Variants in CELSR1 observed in about 807,000 individuals in gnomAD.
The protein encoded by CELSR1 is adhesion G protein-coupled receptor C1.
A neutral mutation model predicts 249.1 loss-of-function variants in CELSR1; 110 were observed. The ratio of observed to expected loss-of-function variants is 0.44; its 90% CI spans 0.38 to 0.52. CELSR1 has a LOEUF of 0.52. Among genes scored for constraint, CELSR1 ranks in the 20% least tolerant of loss-of-function variants. CELSR1 has a pLI of 0.00. For synonymous variants in CELSR1, 2,113 were observed against 1,900.0 expected (o/e 1.11, Z -2.92); for missense variants, 4,109 against 4,296.4 (o/e 0.96, Z 1.22).
intron 1 of CELSR1, chr22:46,530,353 T>C (rs182421349): frequency 1.2e-4 from 18 of 148,722 alleles, no homozygotes; most frequent in Admixed American, 8.1e-4. Flanking sequence ...ATATATTATA[T>C]ATTATATATA....
At chr22:46,494,234 T>C (rs1337903806) in intron 1 of CELSR1, among the ~76,000 whole-genome samples, 1 of 152,220 alleles carries the variant, frequency 6.6e-6, no homozygotes, top group Non-Finnish European at 1.5e-5. Flanking sequence ...ACAGTGGCTC[T>C]ATAACAAGCC....
intron 5 of CELSR1, among the ~76,000 whole-genome samples, chr22:46,426,782 C>T (rs2079542386): frequency 6.6e-6 from 1 of 152,160 alleles, no homozygotes; most frequent in Non-Finnish European, 1.5e-5. Flanking sequence ...GGGAGTGGGT[C>T]CACTGTCTTG....
intron 2 of CELSR1, among the ~76,000 whole-genome samples, chr22:46,442,066 T>C (rs774260156): frequency 2.0e-5 from 3 of 152,150 alleles, no homozygotes; most frequent in Non-Finnish European, 2.9e-5. Flanking sequence ...GAGAATTGCT[T>C]AAATCTGGGC....
In CELSR1 at chr22:46,428,629, G is replaced by A. The variant is rs150007313; in HGVS notation, c.4611+4764C>T. 2.6e-5 allele frequency among the ~76,000 whole-genome samples: 4 copies of A among 152,362 alleles called. No individual in the cohort carries two copies. Among genetic ancestry groups the A allele is most frequent in the African/African-American group, 9.6e-5 (4 of 41,584 alleles). On this transcript the variant is annotated intron_variant, in intron 5 of 34. Coordinates refer to ENST00000674500, the MANE Select transcript of CELSR1 (RefSeq NM_001378328.1). The surrounding 1 kb of genome is among the most constrained non-coding windows in gnomAD (Gnocchi z 5.7). ...AGTCTAGTGACCAGAGGTCAGGAATGCTGCCCAGAACAGGCCTCACAATGA... is the reference window on the plus strand; with the variant it reads ...AGTCTAGTGACCAGAGGTCAGGAATACTGCCCAGAACAGGCCTCACAATGA...
At chr22:46,388,843 G>A (rs1329190283) in intron 18 of CELSR1, among the ~76,000 whole-genome samples, 1 of 152,068 alleles carries the variant, frequency 6.6e-6, no homozygotes, top group Non-Finnish European at 1.5e-5. Flanking sequence ...AGCTGCGGGT[G>A]GGAGTGGACA....
At position 46,414,000 on chromosome 22, in the gene CELSR1, T is replaced by C. The variant is rs1215693296; in HGVS notation, c.4612-2241A>G. On this transcript the variant is annotated intron_variant, in intron 5 of 34. Coordinates refer to ENST00000674500, the MANE Select transcript of CELSR1 (RefSeq NM_001378328.1). The surrounding 1 kb of genome is among the most constrained non-coding windows in gnomAD (Gnocchi z 4.7). ...TAAGCTACTGTTTACAAAACTGCAG[T>C]TGCTGTAAACTGCTGCTGGTAATCA... 6.6e-6 allele frequency among the ~76,000 whole-genome samples: 1 copy of C among 152,232 alleles called. No homozygotes were observed. The highest frequency in any genetic ancestry group is 1.5e-5 in the Non-Finnish European group (1 of 68,034).
chr22:46,445,616 T>C lies in CELSR1; in HGVS notation c.4184-6205A>G, dbSNP rs1400537333. Among the ~76,000 whole-genome samples the C allele has an allele frequency of 6.6e-6, 1 of 152,220 alleles. No individual in the cohort carries two copies. The highest frequency in any genetic ancestry group is 1.5e-5 in the Non-Finnish European group (1 of 68,040). ...GAGCCCATTTCCAACTGAGGTCTCA[T>C]TCTGAGAGTCTGTGTGGACAAGGAT... On this transcript the variant is annotated intron_variant, in intron 2 of 34. Coordinates refer to ENST00000674500, the MANE Select transcript of CELSR1 (RefSeq NM_001378328.1). The surrounding 1 kb of genome is among the most constrained non-coding windows in gnomAD (Gnocchi z 4.4).
chr22:46,363,872 T>C lies in CELSR1; in HGVS notation c.9035+124A>G. On this transcript the variant is annotated intron_variant, in intron 34 of 34. Coordinates refer to ENST00000674500, the MANE Select transcript of CELSR1 (RefSeq NM_001378328.1). This position sits in a 1 kb window ranked among gnomAD's most constrained non-coding sequence, Gnocchi z 4.3. ...CCCCCTCCCCCATCCCCGCCTGGGC[T>C]TCCTCTGCACTCAGGGCTCCAGGTG... 7.6e-7 allele frequency: 1 copy of C among 1,308,784 alleles called. No homozygotes were observed. Among genetic ancestry groups the C allele is most frequent in the Non-Finnish European group, 1.0e-6 (1 of 989,416 alleles). The allele number at this position is 1,308,784 out of a possible 1,614,324, so 81.1% of individuals were successfully genotyped here.
chr22:46,531,913 A>G (rs1282594786), intron 1 of CELSR1, among the ~76,000 whole-genome samples: 1 of 151,654 alleles, frequency 6.6e-6, no homozygotes, highest in Non-Finnish European at 1.5e-5. Context: ...CGAGAGTACG[A>G]GTGTGTCCAC....
Position 46,396,718 on chromosome 22 carries a change from G to A in CELSR1, c.5730C>T (p.Ala1910=). 2 of 1,612,978 alleles carry A rather than the reference G, an allele frequency of 1.2e-6. No homozygotes were observed. The highest frequency in any genetic ancestry group is 8.5e-7 in the Non-Finnish European group (1 of 1,179,546). Residue 1910 remains alanine (A), a synonymous_variant, in exon 13 of 35, where the codon GCC becomes GCT. Coordinates refer to ENST00000674500, the MANE Select transcript of CELSR1 (RefSeq NM_001378328.1). The surrounding 1 kb of genome is among the most constrained non-coding windows in gnomAD (Gnocchi z 6.4). Reference sequence around the variant, plus strand: ...TGTTCTCGCAGGGGTTCAGGTGACAGGCATCCACACAGTTTATTCCAAGGT... The same window carrying A: ...TGTTCTCGCAGGGGTTCAGGTGACAAGCATCCACACAGTTTATTCCAAGGT... ...KGYLGINCVD[A]CHLNPCENMG... is the part of the protein sequence containing the mutation.
intron 9 of CELSR1, among the ~76,000 whole-genome samples, chr22:46,404,395 G>C (rs941838185): frequency 2.0e-5 from 3 of 151,798 alleles, no homozygotes; most frequent in Admixed American, 2.0e-4. Flanking sequence ...CTGGGAGACA[G>C]AGTGAGACTC....
Position 46,533,925 on chromosome 22 carries a change from C to A in CELSR1, c.3246G>T (p.Val1082=), listed in dbSNP as rs191470134. 1.2e-6 allele frequency: 2 copies of A among 1,613,116 alleles called. No individual in the cohort carries two copies. The highest frequency in any genetic ancestry group is 4.5e-5 in the East Asian group (2 of 44,886). The stretch of plus-strand genomic sequence containing the variant: ...GAAGGATGTGCACCGTGGCTCGGCT[C>A]ACCAGCGGAGCCGACGTGGCCTGCA... The part of the protein sequence containing the change: ...LVVQATSAPL[V]SRATVHILLV... The change falls in exon 1 of 35, where the codon GTG becomes GTT. Residue 1082 remains valine (V), a synonymous_variant. Coordinates refer to ENST00000674500, the MANE Select transcript of CELSR1 (RefSeq NM_001378328.1).
intron 24 of CELSR1, among the ~76,000 whole-genome samples, chr22:46,373,573 C>T (rs2147190266): frequency 6.7e-6 from 1 of 150,076 alleles, no homozygotes; most frequent in African/African-American, 2.5e-5. Flanking sequence ...CCAGTGCTCC[C>T]AAAGCTGCCG....
At chr22:46,451,720 C>T (rs2079887465) in intron 2 of CELSR1, among the ~76,000 whole-genome samples, 1 of 152,194 alleles carries the variant, frequency 6.6e-6, no homozygotes, top group Non-Finnish European at 1.5e-5. Flanking sequence ...CTGTAATGGG[C>T]TACACGGTGG....
Position 46,535,003 on chromosome 22 carries a change from T to C in CELSR1, c.2168A>G (p.Gln723Arg). 6.2e-7 allele frequency: 1 copy of C among 1,612,026 alleles called. No homozygotes were observed. Among genetic ancestry groups the C allele is most frequent in the Non-Finnish European group, 8.5e-7 (1 of 1,179,462 alleles). ...DRDANSVITYQLTGGNTRNRF... is the reference protein window; with the variant it reads ...DRDANSVITYRLTGGNTRNRF... ...GTTCCGGGTGTTGCCGCCTGTGAGC[T>C]GGTAGGTAATCACACTGTTGGCGTC... is the stretch of plus-strand genomic sequence containing the variant. The change falls in exon 1 of 35, where the codon CAG (glutamine) becomes CGG (arginine). Residue 723 changes from glutamine (Q) to arginine (R), a missense_variant. By Grantham distance (43) the Gln-to-Arg change is conservative. Coordinates refer to ENST00000674500, the MANE Select transcript of CELSR1 (RefSeq NM_001378328.1).
chr22:46,393,717 G>A lies in CELSR1; in HGVS notation c.5964+425C>T, dbSNP rs1305722016. ...CGCACCACTGCACTCCAGCCTGGGC[G>A]ACACAGCGAGACTCTGTCTCAAAAA... On this transcript the variant is annotated intron_variant, in intron 14 of 34. Transcript: ENST00000674500. The surrounding 1 kb of genome is among the most constrained non-coding windows in gnomAD (Gnocchi z 4.1). Among the ~76,000 whole-genome samples the A allele has an allele frequency of 6.1e-5, 9 of 147,720 alleles. No homozygotes were observed. The highest frequency in any genetic ancestry group is 2.1e-4 in the Admixed American group (3 of 14,608).
chr22:46,418,256 G>A (rs773988517), intron 5 of CELSR1, among the ~76,000 whole-genome samples: 2 of 152,252 alleles, frequency 1.3e-5, no homozygotes, highest in Middle Eastern at 3.4e-3. Flanking sequence ...CGAGGTGGGC[G>A]GATCACTTGC....
chr22:46,461,488 C>T (rs2080026390), intron 2 of CELSR1, among the ~76,000 whole-genome samples: 2 of 152,212 alleles, frequency 1.3e-5, no homozygotes, highest in Non-Finnish European at 2.9e-5. Context: ...CCCCAAGCTT[C>T]CTGCAGCCTG....
In CELSR1 at chr22:46,363,302, TGG is replaced by T. The variant is rs1429029160; in HGVS notation, c.9036-57_9036-56del. The T allele has an allele frequency of 3.5e-5, 52 of 1,481,256 alleles. No individual in the cohort carries two copies. In the African/African-American group the frequency reaches 6.7e-4, roughly 19 times the overall value. 91.8% of individuals were successfully genotyped at this position (1,481,256 alleles called of 1,614,324 possible). Reference sequence around the variant, plus strand: ...TGAAGGGTCAGTGAGGGTAGCGGCTTGGTGGGGCCCAAGGTTGTCACACGGGG... The same window carrying T: ...TGAAGGGTCAGTGAGGGTAGCGGCTTTGGGGCCCAAGGTTGTCACACGGGG... On this transcript the variant is annotated intron_variant, in intron 34 of 34. Coordinates refer to ENST00000674500, the MANE Select transcript of CELSR1 (RefSeq NM_001378328.1). This position sits in a 1 kb window ranked among gnomAD's most constrained non-coding sequence, Gnocchi z 4.3.
Sources: allele counts gnomAD v4.1 joint callset (sites outside exome capture counted in the v4.1 genomes callset), GRCh38; gene constraint gnomAD v4.1.1; non-coding constraint Gnocchi (gnomAD v3.1); transcripts MANE v1.5; gene names NCBI Gene and HGNC (gene_info 2026-07-23, HGNC 2026-07-21).